EGFLAM: variants seen among roughly 807,000 people sequenced by gnomAD.
The protein encoded by EGFLAM is pikachurin.
EGFLAM carries 79 observed loss-of-function variants against 113.1 expected under a neutral mutation model. That is an observed-to-expected ratio of 0.70 (90% confidence interval 0.58 to 0.84). The LOEUF (loss-of-function observed/expected upper bound fraction) is 0.84. Ranked by LOEUF, EGFLAM falls within the 40% of genes least tolerant of loss-of-function variation. The probability of loss-of-function intolerance (pLI) is 0.00; values close to 1 mark genes in which losing one functional copy is unlikely to be tolerated. For missense variants in EGFLAM, 1,265 were observed against 1,291.6 expected, an observed-to-expected ratio of 0.98 and a Z score of 0.32; for synonymous variants, 504 against 487.6, an observed-to-expected ratio of 1.03 and a Z score of -0.44.
intron 1 of EGFLAM, among the ~76,000 whole-genome samples, chr5:38,269,021 C>T (rs189657098): frequency 6.6e-6 from 1 of 152,072 alleles, no homozygotes; most frequent in Admixed American, 6.5e-5. Flanking sequence ...TACTAAAATA[C>T]AAAAAATTAG....
intron 6 of EGFLAM, among the ~76,000 whole-genome samples, chr5:38,392,133 G>A (rs1035328539): frequency 6.6e-6 from 1 of 152,048 alleles, no homozygotes; most frequent in South Asian, 2.1e-4. Context: ...GTAGACCCCA[G>A]TGTCTATTGT....
rs1176284345 is a variant in EGFLAM at position 38,407,070 on chromosome 5, C to G, written c.1071C>G (p.Phe357Leu). Reference protein sequence around the residue: ...CDETLCSADSFCVNDYTWGGS... With the variant: ...CDETLCSADSLCVNDYTWGGS... ...AAACTCTCTGCTCTGCTGACAGCTT[C>G]TGTGTCAATGACTACACCTGGGGGG... Residue 357 changes from phenylalanine (F) to leucine (L), a missense_variant, in exon 8 of 22, where the codon TTC (phenylalanine) becomes TTG (leucine). Coordinates refer to ENST00000322350, the MANE Select transcript of EGFLAM (RefSeq NM_152403.4). 6.2e-7 allele frequency: 1 copy of G among 1,614,164 alleles called. No homozygotes were observed. Among genetic ancestry groups the G allele is most frequent in the South Asian group, 1.1e-5 (1 of 91,078 alleles).
intron 5 of EGFLAM, among the ~76,000 whole-genome samples, chr5:38,356,259 G>T (rs765544938): frequency 1.1e-4 from 16 of 152,198 alleles, no homozygotes; most frequent in African/African-American, 3.1e-4. Flanking sequence ...TAGGAATTCT[G>T]CCTCTATCTC....
intron 11 of EGFLAM, among the ~76,000 whole-genome samples, chr5:38,417,263 G>A (rs1741673625): frequency 1.4e-5 from 2 of 143,516 alleles, no homozygotes; most frequent in Non-Finnish European, 1.5e-5. Context: ...CAGGAGAATT[G>A]CTTGAACCTG....
At chr5:38,294,670 TAGAA>T (rs1159938193) in intron 1 of EGFLAM, among the ~76,000 whole-genome samples, 2 of 152,122 alleles carry the variant, frequency 1.3e-5, no homozygotes, top group Non-Finnish European at 2.9e-5. Context: ...AAAAAAAAAT[TAGAA>T]AGGCTATAGG....
intron 6 of EGFLAM, among the ~76,000 whole-genome samples, chr5:38,397,571 G>A (rs1740994689): frequency 6.6e-6 from 1 of 152,156 alleles, no homozygotes; most frequent in African/African-American, 2.4e-5. Context: ...GGGATCACAG[G>A]TGTAAGCTAC....
chr5:38,289,113 A>T (rs1642969425), intron 1 of EGFLAM, among the ~76,000 whole-genome samples: 3 of 152,142 alleles, frequency 2.0e-5, no homozygotes, highest in African/African-American at 7.2e-5. Context: ...ATAGCAAACC[A>T]GCCTCCCTGA....
intron 12 of EGFLAM, among the ~76,000 whole-genome samples, chr5:38,419,350 C>G (rs146306555): frequency 6.6e-6 from 1 of 152,326 alleles, no homozygotes; most frequent in East Asian, 1.9e-4. Flanking sequence ...CTCCTTTTCA[C>G]TCACTACTCT....
chr5:38,299,853 A>T (rs1361786967), intron 1 of EGFLAM, among the ~76,000 whole-genome samples: 1 of 152,160 alleles, frequency 6.6e-6, no homozygotes, highest in Non-Finnish European at 1.5e-5. Flanking sequence ...TTCACTTGAC[A>T]TGTATTTATT....
rs1363078826 is a variant in EGFLAM at position 38,388,930 on chromosome 5, AAAC to A, written c.713-17193_713-17191del. Among the ~76,000 whole-genome samples, 199 of 137,638 alleles carry A rather than the reference AAAC, an allele frequency of 1.4e-3. 1 individual carries two copies. Among genetic ancestry groups the A allele is most frequent in the African/African-American group, 5.5e-3 (189 of 34,476 alleles). The allele number at this position is 137,638 out of a possible 152,430, so 90.3% of individuals were successfully genotyped here. On this transcript the variant is annotated intron_variant, in intron 6 of 21. Transcript: ENST00000322350. ...ACCCTGTCTCAAGAAAAAAAAAAAA[AAAC>A]AAAAAAAAATGCAAATGAGTTTTTC... is the stretch of plus-strand genomic sequence containing the variant.
At chr5:38,447,852 G>C (rs959230874) in intron 17 of EGFLAM, among the ~76,000 whole-genome samples, 2 of 151,838 alleles carry the variant, frequency 1.3e-5, no homozygotes, top group Non-Finnish European at 2.9e-5. Context: ...AGAGTCTCTC[G>C]AAGTCCTAGC....
chr5:38,406,290 C>G (rs1312568002), intron 7 of EGFLAM, 49 bp downstream of exon 7: 29 of 1,530,478 alleles, frequency 1.9e-5, no homozygotes, highest in African/African-American at 2.7e-5. Context: ...TGTTTTCTTG[C>G]CGAACAAGAC....
At chr5:38,391,387 T>C (rs546736693) in intron 6 of EGFLAM, among the ~76,000 whole-genome samples, 81 of 146,436 alleles carry the variant, frequency 5.5e-4, no homozygotes, top group Non-Finnish European at 9.8e-4. Context: ...CTTTTCTTTG[T>C]GTGTGTGTGT....
In EGFLAM at chr5:38,427,042, C is replaced by T; in HGVS notation, c.1844C>T (p.Ser615Phe). Residue 615 changes from serine (S) to phenylalanine (F), a missense_variant, in exon 14 of 22, where the codon TCT becomes TTT. Coordinates refer to ENST00000322350, the MANE Select transcript of EGFLAM (RefSeq NM_152403.4). ...TTGACCATTCCTCAGTTCAGAGAGT[C>T]TCTGAGATCTTACGCTGCAACTCCC... ...FTLTIPQFRE[S>F]LRSYAATPWP... is the part of the protein sequence containing the mutation. The T allele has an allele frequency of 6.2e-7, 1 of 1,614,074 alleles. No homozygotes were observed. Among genetic ancestry groups the T allele is most frequent in the Non-Finnish European group, 8.5e-7 (1 of 1,180,020 alleles).
chr5:38,279,953 T>G (rs1340522659), intron 1 of EGFLAM, among the ~76,000 whole-genome samples: 1 of 152,218 alleles, frequency 6.6e-6, no homozygotes, highest in African/African-American at 2.4e-5. Flanking sequence ...ATATATACTT[T>G]AAAACATTAT....
chr5:38,443,484 T>C (rs551595068), intron 17 of EGFLAM, among the ~76,000 whole-genome samples: 1 of 152,294 alleles, frequency 6.6e-6, no homozygotes, highest in East Asian at 1.9e-4. Context: ...GAAGGGCTGC[T>C]AGTTTAGGGA....
chr5:38,430,102 G>A lies in EGFLAM; in HGVS notation c.2055-1075G>A, dbSNP rs189178058. 12 of 228,856 alleles carry A rather than the reference G, an allele frequency of 5.2e-5. No homozygotes were observed. In the East Asian group the frequency reaches 6.4e-4, roughly 12 times the overall value. 14.2% of individuals were successfully genotyped at this position (228,856 alleles called of 1,614,324 possible). A position where few individuals can be genotyped will look rare whatever the true frequency, so the allele number is the denominator to read the frequency against. On this transcript the variant is annotated intron_variant, in intron 14 of 21. Transcript: ENST00000322350. Reference sequence around the variant, plus strand: ...ATGTTCTTCACGATGACAGCTTTGCGTCGGAGTAGCATCTGGCCAGGACCA... The same window carrying A: ...ATGTTCTTCACGATGACAGCTTTGCATCGGAGTAGCATCTGGCCAGGACCA...
intron 6 of EGFLAM, chr5:38,403,732 G>A: frequency 1.3e-6 from 2 of 1,513,322 alleles, no homozygotes; most frequent in Non-Finnish European, 1.8e-6. Context: ...TTGATCGAGG[G>A]TAAATGAAAT....
At chr5:38,398,105 G>A (rs10036205) in intron 6 of EGFLAM, among the ~76,000 whole-genome samples, 9,940 of 152,198 alleles carry the variant, frequency 0.065, 420 homozygotes, top group South Asian at 0.13. Flanking sequence ...AGGGGCTCTG[G>A]GTGTGGATTG....
Sources: allele counts gnomAD v4.1 joint callset (sites outside exome capture counted in the v4.1 genomes callset), GRCh38; gene constraint gnomAD v4.1.1; transcripts MANE v1.5; gene names NCBI Gene and HGNC (gene_info 2026-07-23, HGNC 2026-07-21).